Variants in KCNH2 observed in about 807,000 individuals in gnomAD.
KCNH2 encodes voltage-gated inwardly rectifying potassium channel KCNH2.
A neutral mutation model predicts 95.9 loss-of-function variants in KCNH2; 35 were observed. That is an observed-to-expected ratio of 0.37 (90% CI 0.28 to 0.48). The LOEUF is 0.48. Among genes scored for constraint, KCNH2 ranks in the 20% least tolerant of loss-of-function variants. The pLI is 0.99. For synonymous variants in KCNH2, 786 were observed against 754.7 expected, an observed-to-expected ratio of 1.04 and a Z score of -0.68; for missense variants, 1,274 against 1,702.9, an observed-to-expected ratio of 0.75 and a Z score of 4.43.
intron 2 of KCNH2, among the ~76,000 whole-genome samples, chr7:150,972,692 G>A (rs1048292286): frequency 6.6e-6 from 1 of 152,198 alleles, no homozygotes; most frequent in Non-Finnish European, 1.5e-5. Flanking sequence ...GTTTGAACTT[G>A]GGCTGGGGAT....
intron 9 of KCNH2, chr7:150,949,298 G>A (rs1563151214): frequency 1.0e-5 from 14 of 1,387,332 alleles, no homozygotes; most frequent in South Asian, 4.6e-5. Context: ...CCAGCCAGCA[G>A]GACTACCCCA....
chr7:150,968,736 G>A (rs1051536641), intron 2 of KCNH2, among the ~76,000 whole-genome samples: 17 of 152,124 alleles, frequency 1.1e-4, no homozygotes, highest in African/African-American at 3.1e-4. Flanking sequence ...GGCAGGACCC[G>A]GGGCCAGCAG....
chr7:150,969,563 A>G (rs1016453524), intron 2 of KCNH2, among the ~76,000 whole-genome samples: 1 of 152,230 alleles, frequency 6.6e-6, no homozygotes, highest in African/African-American at 2.4e-5. Flanking sequence ...ACCAAGCTGG[A>G]AACTCCTGCC....
intron 2 of KCNH2, among the ~76,000 whole-genome samples, chr7:150,963,405 G>A (rs936964112): frequency 5.3e-5 from 8 of 152,178 alleles, no homozygotes; most frequent in East Asian, 1.9e-4. Context: ...CCCTAGGGCC[G>A]TAGGGGTGAA....
intron 1 of KCNH2, 34 bp downstream of exon 1, chr7:150,977,804 G>GGCCCCCCCCC (rs1563193416): frequency 1.3e-6 from 1 of 781,016 alleles, no homozygotes. Context: ...CGCCCCCAGA[G>GGCCCCCCCCC]CCCCCTCCCC....
chr7:150,976,733 C>T (rs938222929), intron 1 of KCNH2, among the ~76,000 whole-genome samples: 9 of 151,124 alleles, frequency 6.0e-5, no homozygotes, highest in East Asian at 1.9e-4. Context: ...ATCCAGCACC[C>T]CCCCCCACAT....
chr7:150,955,372 G>C (rs747179444), intron 5 of KCNH2: 45 of 1,549,704 alleles, frequency 2.9e-5, no homozygotes, highest in Non-Finnish European at 3.8e-5. Context: ...CCAGAAAGAA[G>C]AGGAAGGACC....
At chr7:150,959,325 G>A (rs1046386096) in intron 3 of KCNH2, among the ~76,000 whole-genome samples, 2 of 152,146 alleles carry the variant, frequency 1.3e-5, no homozygotes, top group Admixed American at 6.5e-5. Flanking sequence ...CTAGGGAAAC[G>A]GTGCTAGCCC....
At chr7:150,958,807 C>T (rs750416168) in intron 3 of KCNH2, among the ~76,000 whole-genome samples, 2 of 152,198 alleles carry the variant, frequency 1.3e-5, no homozygotes, top group Non-Finnish European at 2.9e-5. Context: ...GACACAAAGG[C>T]GTCATGTCAC....
rs921996726 is a variant in KCNH2, at chr7:150,974,584, T to C, written c.307+127A>G. 9 of 812,820 alleles carry C rather than the reference T, an allele frequency of 1.1e-5. No homozygotes were observed. The Admixed American group carries it at 1.5e-4, about 13-fold the overall frequency. 50.4% of individuals were successfully genotyped at this position (812,820 alleles called of 1,614,324 possible). A position where few individuals can be genotyped will look rare whatever the true frequency, so the allele number is the denominator to read the frequency against. On this transcript the variant is annotated intron_variant, in intron 2 of 14. Transcript: ENST00000262186. ...CCCGCGTCACACCCCCACAGAACCCTGCCCGGGCTCGGGGCGTTCTCCAGC... is the reference window on the plus strand; with the variant it reads ...CCCGCGTCACACCCCCACAGAACCCCGCCCGGGCTCGGGGCGTTCTCCAGC...
rs937873103 is a variant in KCNH2, at chr7:150,946,755, C to T, written c.3330+122G>A. 1.1e-6 allele frequency: 1 copy of T among 904,360 alleles called. No homozygotes were observed. Among genetic ancestry groups the T allele is most frequent in the Non-Finnish European group, 1.7e-6 (1 of 591,470 alleles). The allele number at this position is 904,360 out of a possible 1,614,324, so 56.0% of individuals were successfully genotyped here. On this transcript the variant is annotated intron_variant, in intron 14 of 14. Coordinates refer to ENST00000262186, the MANE Select transcript of KCNH2 (RefSeq NM_000238.4). This position sits in a 1 kb window ranked among gnomAD's most constrained non-coding sequence, Gnocchi z 6.5. ...CAGGAGGACAGGGGTGGGAGGAGGGCAGGAACAAGGTTCAGGGAGGCTGGG... is the reference window on the plus strand; with the variant it reads ...CAGGAGGACAGGGGTGGGAGGAGGGTAGGAACAAGGTTCAGGGAGGCTGGG...
chr7:150,964,889 C>T (rs1052343067), intron 2 of KCNH2, among the ~76,000 whole-genome samples: 2 of 152,170 alleles, frequency 1.3e-5, no homozygotes, highest in African/African-American at 2.4e-5. Context: ...CAGCAGGAGC[C>T]GCTCCTGGCA....
At position 150,974,589 on chromosome 7, in the gene KCNH2, G is replaced by A. The variant is rs116065480; in HGVS notation, c.307+122C>T. ...GTCACACCCCCACAGAACCCTGCCC[G>A]GGCTCGGGGCGTTCTCCAGCCGCCC... On this transcript the variant is annotated intron_variant, in intron 2 of 14. Coordinates refer to ENST00000262186, the MANE Select transcript of KCNH2 (RefSeq NM_000238.4). 0.028 allele frequency: 23,004 copies of A among 822,796 alleles called. 580 individuals carry two copies. The highest frequency in any genetic ancestry group is 0.059 in the African/African-American group (3,366 of 57,262). The allele number at this position is 822,796 out of a possible 1,614,324, so 51.0% of individuals were successfully genotyped here. A position where few individuals can be genotyped will look rare whatever the true frequency, so the allele number is the denominator to read the frequency against.
At chr7:150,951,349 C>T in intron 7 of KCNH2, 99 bp downstream of exon 7, 2 of 1,341,854 alleles carry the variant, frequency 1.5e-6, no homozygotes, top group Non-Finnish European at 2.0e-6. Flanking sequence ...TCTCTAAGTT[C>T]CAGGGCCTCA....
chr7:150,972,368 A>T (rs916451266), intron 2 of KCNH2, among the ~76,000 whole-genome samples: 2 of 152,194 alleles, frequency 1.3e-5, no homozygotes, highest in African/African-American at 2.4e-5. Context: ...TACCAGGCCC[A>T]TGTGTGAGTA....
At position 150,947,377 on chromosome 7, in the gene KCNH2, G is replaced by T. The variant is rs199473543; in HGVS notation, c.3103C>A (p.Arg1035=). 2 of 1,548,232 alleles carry T rather than the reference G, an allele frequency of 1.3e-6. No homozygotes were observed. Among genetic ancestry groups the T allele is most frequent in the Non-Finnish European group, 1.7e-6 (2 of 1,147,072 alleles). ...TCCAGCCTGCTCTCCACGTCGCCCC[G>T]GGGCCGCCGACCCGGGCTGGAGAGG... ...IPLSSPGRRP[R]GDVESRLDAL... is the part of the protein sequence containing the mutation. Residue 1035 remains arginine, a synonymous_variant, in exon 13 of 15, where the codon CGG becomes AGG. Coordinates refer to ENST00000262186, the MANE Select transcript of KCNH2 (RefSeq NM_000238.4).
At chr7:150,951,967 G>GTTC in intron 6 of KCNH2, 132 bp from the exon 7 acceptor site, 3 of 822,920 alleles carry the variant, frequency 3.6e-6, no homozygotes, top group Non-Finnish European at 5.6e-6. Flanking sequence ...CCTCCTAAGA[G>GTTC]GTGAAGCCCA....
At chr7:150,957,821 G>A (rs761077886) in intron 4 of KCNH2, among the ~76,000 whole-genome samples, 1 of 152,254 alleles carries the variant, frequency 6.6e-6, no homozygotes, top group Non-Finnish European at 1.5e-5. Flanking sequence ...GCCGTCCCGG[G>A]ACAGCCAGCT....
Position 150,958,435 on chromosome 7 carries a change from C to T in KCNH2, c.540G>A (p.Val180=), listed in dbSNP as rs1343027062. ...CCGCGCCGCCCGCGCCGCCCGACCGCACCGACGACTCCCGGGCCGTCAGCG... is the reference window on the plus strand; with the variant it reads ...CCGCGCCGCCCGCGCCGCCCGACCGTACCGACGACTCCCGGGCCGTCAGCG... ...LLALTARESS[V]RSGGAGGAGA... Residue 180 remains valine, a synonymous_variant, in exon 4 of 15, where the codon GTG becomes GTA. Coordinates refer to ENST00000262186, the MANE Select transcript of KCNH2 (RefSeq NM_000238.4). 2 of 1,462,554 alleles carry T rather than the reference C, an allele frequency of 1.4e-6. No homozygotes were observed. Among genetic ancestry groups the T allele is most frequent in the South Asian group, 1.3e-5 (1 of 75,924 alleles). The allele number at this position is 1,462,554 out of a possible 1,614,324, so 90.6% of individuals were successfully genotyped here.
Sources: allele counts gnomAD v4.1 joint callset (sites outside exome capture counted in the v4.1 genomes callset), GRCh38; gene constraint gnomAD v4.1.1; non-coding constraint Gnocchi (gnomAD v3.1); transcripts MANE v1.5; gene names NCBI Gene and HGNC (gene_info 2026-07-23, HGNC 2026-07-21).